Variants in ME1 observed in about 807,000 individuals in gnomAD.
ME1 encodes malic enzyme 1.
A neutral mutation model predicts 66.4 loss-of-function variants in ME1; 74 were observed. That is an observed-to-expected ratio of 1.11 (90% CI 0.92 to 1.35). The LOEUF (loss-of-function observed/expected upper bound fraction) is 1.35. Among genes scored for constraint, ME1 ranks in the 40% most tolerant of loss-of-function variants. The pLI is 0.00. For synonymous variants in ME1, 251 were observed against 235.6 expected (o/e 1.07, Z -0.60); for missense variants, 750 against 694.1 (o/e 1.08, Z -0.90).
intron 13 of ME1, among the ~76,000 whole-genome samples, chr6:83,215,796 G>A (rs2128522433): frequency 6.6e-6 from 1 of 152,298 alleles, no homozygotes; most frequent in African/African-American, 2.4e-5. Context: ...TGGGAAAATA[G>A]TTTTCTGTTG....
At chr6:83,283,110 C>A (rs987204933) in intron 6 of ME1, among the ~76,000 whole-genome samples, 3 of 148,892 alleles carry the variant, frequency 2.0e-5, no homozygotes, top group African/African-American at 7.5e-5. Flanking sequence ...CGCCTGTAGT[C>A]CCAGCTACTC....
chr6:83,327,402 A>G (rs997945254), intron 5 of ME1, among the ~76,000 whole-genome samples: 9 of 152,312 alleles, frequency 5.9e-5, no homozygotes, highest in Admixed American at 3.9e-4. Flanking sequence ...TCTTTTTCTC[A>G]GCATGGAATA....
chr6:83,329,594 C>G (rs974439510), intron 5 of ME1, among the ~76,000 whole-genome samples: 1 of 152,042 alleles, frequency 6.6e-6, no homozygotes, highest in Non-Finnish European at 1.5e-5. Flanking sequence ...ATATCTGTAC[C>G]TGCTATATGT....
intron 1 of ME1, among the ~76,000 whole-genome samples, chr6:83,422,809 AG>A (rs1770292018): frequency 6.6e-6 from 1 of 152,158 alleles, no homozygotes; most frequent in Admixed American, 6.5e-5. Flanking sequence ...AGAGAAAACA[AG>A]TCCTTAAAAA....
chr6:83,305,717 A>C (rs1312945532), intron 6 of ME1, among the ~76,000 whole-genome samples: 3 of 152,130 alleles, frequency 2.0e-5, no homozygotes, highest in Non-Finnish European at 2.9e-5. Flanking sequence ...ACTGACTGTC[A>C]ATACTAATGT....
At chr6:83,232,607 A>G (rs1045299999) in intron 9 of ME1, among the ~76,000 whole-genome samples, 1 of 152,224 alleles carries the variant, frequency 6.6e-6, no homozygotes, top group African/African-American at 2.4e-5. Context: ...CAATCAAGCC[A>G]GATACTTTTT....
chr6:83,383,017 C>T (rs1465561524), intron 3 of ME1, among the ~76,000 whole-genome samples: 1 of 151,846 alleles, frequency 6.6e-6, no homozygotes, highest in African/African-American at 2.4e-5. Context: ...GACTGACCTC[C>T]CCCGAAAAAG....
At chr6:83,293,860 C>T (rs1416766827) in intron 6 of ME1, among the ~76,000 whole-genome samples, 3 of 152,118 alleles carry the variant, frequency 2.0e-5, no homozygotes, top group South Asian at 2.1e-4. Context: ...ACCACTGAAG[C>T]GAGCTACTAC....
rs757806681 is a variant in ME1, at chr6:83,239,458, C to T, written c.912+81G>A. 466 of 951,908 alleles carry T rather than the reference C, an allele frequency of 4.9e-4. 4 individuals carry two copies. Among genetic ancestry groups the T allele is most frequent in the African/African-American group, 2.1e-4 (13 of 61,042 alleles). The allele number at this position is 951,908 out of a possible 1,614,324, so 59.0% of individuals were successfully genotyped here. A position where few individuals can be genotyped will look rare whatever the true frequency, so the allele number is the denominator to read the frequency against. On this transcript the variant is annotated intron_variant, in intron 8 of 13. Coordinates refer to ENST00000369705, the MANE Select transcript of ME1 (RefSeq NM_002395.6). ...AATATACTAAAAATTTGAAAGAATA[C>T]GTCAAATCTTGAGTTAATGAGCAAT...
At chr6:83,281,176 A>C (rs1359712911) in intron 6 of ME1, among the ~76,000 whole-genome samples, 1 of 152,210 alleles carries the variant, frequency 6.6e-6, no homozygotes, top group Non-Finnish European at 1.5e-5. Context: ...CTTTTCAAAT[A>C]TATATGCAGA....
chr6:83,310,341 G>A (rs1767906982), intron 6 of ME1, among the ~76,000 whole-genome samples: 1 of 152,172 alleles, frequency 6.6e-6, no homozygotes, highest in Non-Finnish European at 1.5e-5. Flanking sequence ...CGGGATCAGG[G>A]AAAGCTGTCA....
intron 3 of ME1, among the ~76,000 whole-genome samples, chr6:83,360,186 A>G (rs1768981450): frequency 6.6e-6 from 1 of 152,230 alleles, no homozygotes. Context: ...AAGGGAGGCC[A>G]GATCCCCTGG....
At chr6:83,373,506 C>T (rs1041875384) in intron 3 of ME1, among the ~76,000 whole-genome samples, 1 of 152,294 alleles carries the variant, frequency 6.6e-6, no homozygotes, top group East Asian at 1.9e-4. Flanking sequence ...GCGTGAGCCA[C>T]CGCACCCAGC....
At position 83,228,894 on chromosome 6, in the gene ME1, G is replaced by A. The variant is rs769997039; in HGVS notation, c.1064C>T (p.Ala355Val). 1 of 1,612,870 alleles carries A rather than the reference G, an allele frequency of 6.2e-7. No homozygotes were observed. The highest frequency in any genetic ancestry group is 8.5e-7 in the Non-Finnish European group (1 of 1,179,700). The change falls in exon 10 of 14, where the codon GCC becomes GTC. Residue 355 changes from alanine to valine, a missense_variant. Physicochemically the swap from Ala to Val is moderately conservative, Grantham distance 64 (BLOSUM62 0). Coordinates refer to ENST00000369705, the MANE Select transcript of ME1 (RefSeq NM_002395.6). ...ASLTQEKEKF[A>V]HEHEEMKNLE... is the part of the protein sequence containing the mutation. The stretch of plus-strand genomic sequence containing the variant: ...GTTCTTCATTTCTTCATGTTCATGG[G>A]CAAACTTCTCTTTCTCTTGTGTTAA...
chr6:83,373,638 A>G (rs887698882), intron 3 of ME1, among the ~76,000 whole-genome samples: 2 of 152,172 alleles, frequency 1.3e-5, no homozygotes, highest in Admixed American at 1.3e-4. Context: ...TCTGGGATAC[A>G]TGTGTACAGA....
At chr6:83,368,790 T>C (rs1234526062) in intron 3 of ME1, among the ~76,000 whole-genome samples, 1 of 152,130 alleles carries the variant, frequency 6.6e-6, no homozygotes, top group African/African-American at 2.4e-5. Flanking sequence ...CAGTCAGTTA[T>C]CTTCTCCAGA....
chr6:83,305,575 A>T (rs1230217674), intron 6 of ME1, among the ~76,000 whole-genome samples: 2 of 152,172 alleles, frequency 1.3e-5, no homozygotes, highest in African/African-American at 4.8e-5. Context: ...ATGCCTTGAG[A>T]GTTCAATGAC....
intron 3 of ME1, among the ~76,000 whole-genome samples, chr6:83,352,656 T>C (rs1768824225): frequency 6.6e-6 from 1 of 152,212 alleles, no homozygotes; most frequent in African/African-American, 2.4e-5. Context: ...TTGATTTCTT[T>C]GATTTGTGAT....
intron 6 of ME1, among the ~76,000 whole-genome samples, chr6:83,277,597 C>G (rs1335980844): frequency 1.3e-5 from 2 of 152,102 alleles, no homozygotes; most frequent in African/African-American, 4.8e-5. Flanking sequence ...CAAACTAAAA[C>G]TAAGAACAAA....
Sources: allele counts gnomAD v4.1 joint callset (sites outside exome capture counted in the v4.1 genomes callset), GRCh38; gene constraint gnomAD v4.1.1; transcripts MANE v1.5; gene names NCBI Gene and HGNC (gene_info 2026-07-23, HGNC 2026-07-21).